ZBTB41: variants seen among roughly 807,000 people sequenced by gnomAD.
The protein encoded by ZBTB41 is zinc finger and BTB domain containing 41.
In ZBTB41, 42 loss-of-function variants were observed where a neutral mutation model predicts 87.6. The observed-to-expected ratio is 0.48, with a 90% confidence interval of 0.37 to 0.62. ZBTB41 has a LOEUF of 0.62. Ranked by LOEUF, ZBTB41 falls within the 20% of genes least tolerant of loss-of-function variation. The pLI, the probability that ZBTB41 is intolerant of heterozygous loss-of-function variation, is 0.00. For synonymous variants in ZBTB41, 364 were observed against 364.0 expected, an observed-to-expected ratio of 1.00 and a Z score of 0.00; for missense variants, 799 against 1,078.9, an observed-to-expected ratio of 0.74 and a Z score of 3.63.
chr1:197,188,114 G>A (rs1397407561), intron 5 of ZBTB41, among the ~76,000 whole-genome samples, 178 bp downstream of exon 5: 1 of 152,174 alleles, frequency 6.6e-6, no homozygotes, highest in African/African-American at 2.4e-5. Context: ...GTGCATATGT[G>A]GAGGCATAGG....
chr1:197,172,136 T>C lies in ZBTB41; in HGVS notation c.2074+24A>G, dbSNP rs538923695. The stretch of plus-strand genomic sequence containing the variant: ...ATATCTCTCTCTATATATATATATC[T>C]ATGAACCACTCATTAAATTTTACCT... On this transcript the variant is annotated intron_variant, in intron 10 of 10. Coordinates refer to ENST00000367405, the MANE Select transcript of ZBTB41 (RefSeq NM_194314.3). The C allele has an allele frequency of 9.5e-6, 10 of 1,052,842 alleles. No homozygotes were observed. In the Admixed American group the frequency reaches 1.7e-4, roughly 18 times the overall value. 65.2% of individuals were successfully genotyped at this position (1,052,842 alleles called of 1,614,324 possible).
intron 2 of ZBTB41, among the ~76,000 whole-genome samples, chr1:197,196,493 C>T (rs973107123): frequency 6.6e-6 from 1 of 152,130 alleles, no homozygotes; most frequent in Non-Finnish European, 1.5e-5. Flanking sequence ...TTGTTATATG[C>T]TCCTTCTTGT....
At chr1:197,177,300 C>G (rs2125130536) in intron 7 of ZBTB41, among the ~76,000 whole-genome samples, 1 of 152,236 alleles carries the variant, frequency 6.6e-6, no homozygotes, top group African/African-American at 2.4e-5. Context: ...CCCCTACTCT[C>G]TCTTTCTCCT....
rs1253591059 is a variant in ZBTB41 at position 197,156,136 on chromosome 1, G to A, written c.*3223C>T. 6.6e-6 allele frequency: 1 copy of A among 151,766 alleles called. No individual in the cohort carries two copies. Among genetic ancestry groups the A allele is most frequent in the African/African-American group, 2.4e-5 (1 of 41,282 alleles). 9.4% of individuals were successfully genotyped at this position (151,766 alleles called of 1,614,324 possible). A position where few individuals can be genotyped will look rare whatever the true frequency, so the allele number is the denominator to read the frequency against. ...GTTTGTCAGTATGACTATTCCCAGAGTATTTTCTTTTGCTCCTATTTTTAT... is the reference window on the plus strand; with the variant it reads ...GTTTGTCAGTATGACTATTCCCAGAATATTTTCTTTTGCTCCTATTTTTAT... On this transcript the variant is annotated 3_prime_UTR_variant, in exon 11 of 11. Coordinates refer to ENST00000367405, the MANE Select transcript of ZBTB41 (RefSeq NM_194314.3).
intron 10 of ZBTB41, among the ~76,000 whole-genome samples, chr1:197,168,772 A>T (rs1307564331): frequency 6.6e-6 from 1 of 152,126 alleles, no homozygotes; most frequent in East Asian, 1.9e-4. Flanking sequence ...TTTAAACTTC[A>T]AAACCTTTGT....
chr1:197,199,900 GTGA>G lies in ZBTB41; in HGVS notation c.571_573del (p.Ser191del). ...GTTAATTCATTTAGTGTTTCTTCTGGTGATGACTTTTCAGTTAGCTCTGAATGA... is the reference window on the plus strand; with the variant it reads ...GTTAATTCATTTAGTGTTTCTTCTGGTGACTTTTCAGTTAGCTCTGAATGA... On this transcript the variant is annotated inframe_deletion, in exon 2 of 11. Coordinates refer to ENST00000367405, the MANE Select transcript of ZBTB41 (RefSeq NM_194314.3). 1 of 1,611,786 alleles carries G rather than the reference GTGA, an allele frequency of 6.2e-7. No homozygotes were observed. Among genetic ancestry groups the G allele is most frequent in the Non-Finnish European group, 8.5e-7 (1 of 1,178,996 alleles).
intron 7 of ZBTB41, 133 bp from the exon 8 acceptor site, chr1:197,176,803 T>A: frequency 1.5e-6 from 1 of 651,294 alleles, no homozygotes; most frequent in African/African-American, 1.8e-5. Context: ...TTGGCTTTAT[T>A]TCTATGACTT....
intron 9 of ZBTB41, among the ~76,000 whole-genome samples, chr1:197,174,549 G>A (rs1659555922): frequency 6.6e-6 from 1 of 152,020 alleles, no homozygotes; most frequent in African/African-American, 2.4e-5. Context: ...TTTACACTTA[G>A]CAACTAACCT....
intron 5 of ZBTB41, among the ~76,000 whole-genome samples, chr1:197,186,818 T>G (rs982229733): frequency 6.6e-6 from 1 of 151,760 alleles, no homozygotes; most frequent in Non-Finnish European, 1.5e-5. Context: ...AAGCCAAGAT[T>G]GCGCCATTAC....
At chr1:197,163,758 A>G (rs1459467917) in intron 10 of ZBTB41, among the ~76,000 whole-genome samples, 1 of 152,026 alleles carries the variant, frequency 6.6e-6, no homozygotes, top group Non-Finnish European at 1.5e-5. Context: ...TTTCCTTCAA[A>G]TGAGCAACAA....
intron 2 of ZBTB41, among the ~76,000 whole-genome samples, chr1:197,192,851 C>A (rs939704503): frequency 6.6e-6 from 1 of 151,832 alleles, no homozygotes; most frequent in African/African-American, 2.4e-5. Flanking sequence ...AATTATGTGT[C>A]TACCCAATAA....
At chr1:197,167,352 G>A (rs766985343) in intron 10 of ZBTB41, among the ~76,000 whole-genome samples, 61 of 152,068 alleles carry the variant, frequency 4.0e-4, no homozygotes, top group African/African-American at 1.3e-3. Flanking sequence ...GCGCCACCAC[G>A]CTTGGCTAAT....
rs754003621 is a variant in ZBTB41, at chr1:197,181,131, A to G, written c.1547-14T>C. On this transcript the variant is annotated splice_polypyrimidine_tract_variant and intron_variant, in intron 5 of 10. Coordinates refer to ENST00000367405, the MANE Select transcript of ZBTB41 (RefSeq NM_194314.3). The stretch of plus-strand genomic sequence containing the variant: ...ATGGAAAAGGACCTAAAAAGGAAAA[A>G]AAAAAAGTGTGCATTTAAAGTTTAA... The G allele has an allele frequency of 6.4e-7, 1 of 1,562,924 alleles. No homozygotes were observed. The highest frequency in any genetic ancestry group is 8.6e-7 in the Non-Finnish European group (1 of 1,167,468).
chr1:197,188,487 T>C (rs1659938871), intron 4 of ZBTB41, 48 bp from the exon 5 acceptor site: 2 of 1,494,132 alleles, frequency 1.3e-6, no homozygotes, highest in Non-Finnish European at 1.8e-6. Flanking sequence ...AATTAAAAAT[T>C]GTAATATTAA....
At chr1:197,182,624 A>C (rs1457614850) in intron 5 of ZBTB41, among the ~76,000 whole-genome samples, 1 of 152,080 alleles carries the variant, frequency 6.6e-6, no homozygotes, top group Non-Finnish European at 1.5e-5. Flanking sequence ...ATATATATTC[A>C]TATATATTAA....
At chr1:197,186,363 C>T (rs1485067949) in intron 5 of ZBTB41, among the ~76,000 whole-genome samples, 1 of 151,576 alleles carries the variant, frequency 6.6e-6, no homozygotes, top group South Asian at 2.1e-4. Context: ...TGTAGATGAC[C>T]TTAGGTTTGG....
At chr1:197,188,130 T>C (rs896346641) in intron 5 of ZBTB41, among the ~76,000 whole-genome samples, 162 bp downstream of exon 5, 2 of 152,194 alleles carry the variant, frequency 1.3e-5, no homozygotes, top group South Asian at 2.1e-4. Flanking sequence ...ATAGGGCATA[T>C]GGGAAATATC....
intron 2 of ZBTB41, among the ~76,000 whole-genome samples, chr1:197,196,551 T>A (rs1660166728): frequency 6.6e-6 from 1 of 152,200 alleles, no homozygotes; most frequent in South Asian, 2.1e-4. Context: ...TTCTCCACAC[T>A]GAAGCCACCA....
At chr1:197,177,262 T>C (rs950978658) in intron 7 of ZBTB41, among the ~76,000 whole-genome samples, 1 of 152,116 alleles carries the variant, frequency 6.6e-6, no homozygotes, top group Non-Finnish European at 1.5e-5. Context: ...TCACAAGATC[T>C]GATGCTTTAA....
Sources: allele counts gnomAD v4.1 joint callset (sites outside exome capture counted in the v4.1 genomes callset), GRCh38; gene constraint gnomAD v4.1.1; transcripts MANE v1.5; gene names NCBI Gene and HGNC (gene_info 2026-07-23, HGNC 2026-07-21).